ZNF600: variants seen among roughly 807,000 people sequenced by gnomAD.
ZNF600 encodes the protein zinc finger protein KR-ZNF1.
A neutral mutation model predicts 7.3 loss-of-function variants in ZNF600; 4 were observed. The ratio of observed to expected loss-of-function variants is 0.55; its 90% confidence interval spans 0.27 to 1.25. The LOEUF is 1.25. ZNF600 is among the 50% of genes most tolerant of loss of function. The probability of loss-of-function intolerance (pLI) is 0.12; values close to 1 mark genes in which losing one functional copy is unlikely to be tolerated. For missense variants in ZNF600, 911 were observed against 922.1 expected (o/e 0.99, Z 0.16); for synonymous variants, 290 against 308.9 (o/e 0.94, Z 0.64).
chr19:52,766,678 A>C, exon 4 of ZNF600: 1 of 1,614,144 alleles, frequency 6.2e-7, no homozygotes, highest in Non-Finnish European at 8.5e-7. Context: ...CACTCATTAC[A>C]CTTGTAAGTT....
At chr19:52,833,350 C>T in the ZNF600 span, among the ~76,000 whole-genome samples, 24 of 152,256 alleles carry the variant, frequency 1.6e-4, no homozygotes, top group African/African-American at 5.5e-4. Flanking sequence ...CCAGTGGAAC[C>T]TCTTCTCAAG....
chr19:52,815,442 G>A, the ZNF600 span, among the ~76,000 whole-genome samples: 4 of 145,206 alleles, frequency 2.8e-5, 1 homozygote, highest in African/African-American at 5.4e-5. Context: ...ACTTGAACCC[G>A]GGAGGTAGAG....
At chr19:52,812,152 G>GC in the ZNF600 span, among the ~76,000 whole-genome samples, 1 of 125,804 alleles carries the variant, frequency 7.9e-6, no homozygotes. Context: ...GGGGGGGTCA[G>GC]CCCCCCGCCC....
chr19:52,810,299 T>G, the ZNF600 span: 1 of 1,540,056 alleles, frequency 6.5e-7, no homozygotes, highest in East Asian at 2.3e-5. Flanking sequence ...AGATGGAGGC[T>G]GATGCCCGTT....
chr19:52,815,888 C>G, the ZNF600 span, among the ~76,000 whole-genome samples: 1 of 147,290 alleles, frequency 6.8e-6, no homozygotes, highest in Non-Finnish European at 1.5e-5. Context: ...ATTGGTACAA[C>G]AAACTCCAAT....
At chr19:52,809,837 CGGTGGCGGT>C in the ZNF600 span, 53 of 553,896 alleles carry the variant, frequency 9.6e-5, no homozygotes, top group African/African-American at 3.4e-4. Flanking sequence ...GCGGCGGCGG[CGGTGGCGGT>C]GGTGGCAGTA....
At chr19:52,767,021 A>G (rs1399719505) in exon 4 of ZNF600, 23 of 1,614,004 alleles carry the variant, frequency 1.4e-5, no homozygotes, top group Non-Finnish European at 1.7e-5. Flanking sequence ...TACACTTGTG[A>G]GATTTTACTG....
the ZNF600 span, among the ~76,000 whole-genome samples, chr19:52,792,067 A>C: frequency 3.9e-5 from 6 of 152,230 alleles, no homozygotes; most frequent in Admixed American, 6.5e-5. Flanking sequence ...GCTCTATTTG[A>C]AAAATGCCTC....
the ZNF600 span, chr19:52,808,076 G>A: frequency 6.2e-7 from 1 of 1,613,512 alleles, no homozygotes; most frequent in Non-Finnish European, 8.5e-7. Flanking sequence ...GCAGGGTCCA[G>A]GCATTTCCAC....
intron 1 of ZNF600, 73 bp from the exon 4 acceptor site, chr19:52,778,980 A>G (rs569922288): frequency 1.4e-6 from 2 of 1,385,144 alleles, no homozygotes; most frequent in East Asian, 2.4e-5. Flanking sequence ...CCACATGAAC[A>G]GGGGAGACCT....
At chr19:52,787,663 C>A (rs1325042871), upstream of ZNF600, among the ~76,000 whole-genome samples, 5 of 151,224 alleles carry the variant, frequency 3.3e-5, no homozygotes, top group African/African-American at 9.7e-5. Flanking sequence ...TCGAGACCAT[C>A]CTGGCTAACA....
At chr19:52,775,253 A>C (rs775695503) in intron 2 of ZNF600, among the ~76,000 whole-genome samples, 7 of 151,662 alleles carry the variant, frequency 4.6e-5, no homozygotes, top group Non-Finnish European at 1.0e-4. Context: ...AAACAAAACA[A>C]AACAAAACAA....
At chr19:52,787,039 C>T (rs1370783437), upstream of ZNF600, among the ~76,000 whole-genome samples, 1 of 152,268 alleles carries the variant, frequency 6.6e-6, no homozygotes, top group African/African-American at 2.4e-5. Flanking sequence ...AAATGCAAAG[C>T]CCTGCCAGGG....
At chr19:52,792,021 C>G in the ZNF600 span, among the ~76,000 whole-genome samples, 4 of 152,344 alleles carry the variant, frequency 2.6e-5, no homozygotes, top group South Asian at 8.3e-4. Context: ...GGTTCCATCC[C>G]GTCAGAATAA....
At chr19:52,786,151 G>A (rs2062761576) in intron 1 of ZNF600, among the ~76,000 whole-genome samples, 1 of 152,038 alleles carries the variant, frequency 6.6e-6, no homozygotes, top group South Asian at 2.1e-4. Context: ...ATTTTCCAGG[G>A]GGTGGAGCTG....
At chr19:52,787,022 G>C (rs537540687), upstream of ZNF600, among the ~76,000 whole-genome samples, 1 of 152,390 alleles carries the variant, frequency 6.6e-6, no homozygotes, top group South Asian at 2.1e-4. Flanking sequence ...ATGCAAACTA[G>C]AATGTGAAAT....
At chr19:52,794,527 C>T in the ZNF600 span, among the ~76,000 whole-genome samples, 3 of 152,078 alleles carry the variant, frequency 2.0e-5, no homozygotes, top group Admixed American at 1.3e-4. Context: ...GGTCTGGAAG[C>T]GCCAATAGGC....
upstream of ZNF600, among the ~76,000 whole-genome samples, chr19:52,789,786 G>A (rs1439872240): frequency 6.6e-6 from 1 of 152,180 alleles, no homozygotes; most frequent in Non-Finnish European, 1.5e-5. Flanking sequence ...GAGCATTCGT[G>A]TGAAGAGACC....
the ZNF600 span, among the ~76,000 whole-genome samples, chr19:52,814,706 G>A: frequency 4.1e-5 from 6 of 146,332 alleles, no homozygotes; most frequent in Non-Finnish European, 7.4e-5. Context: ...CTAAAAAGGT[G>A]AAACCCCATC....
Sources: allele counts gnomAD v4.1 joint callset (sites outside exome capture counted in the v4.1 genomes callset), GRCh38; gene constraint gnomAD v4.1.1; transcripts MANE v1.5; gene names NCBI Gene and HGNC (gene_info 2026-07-23, HGNC 2026-07-21).